Variants in MAPK6 observed in about 807,000 individuals in gnomAD.
MAPK6 encodes ERK-3.
A neutral mutation model predicts 59.3 loss-of-function variants in MAPK6; 19 were observed. The ratio of observed to expected loss-of-function variants is 0.32; its 90% confidence interval spans 0.22 to 0.47. The LOEUF (loss-of-function observed/expected upper bound fraction) is 0.47. Ranked by LOEUF, MAPK6 falls within the 20% of genes least tolerant of loss-of-function variation. The pLI, the probability that MAPK6 is intolerant of heterozygous loss-of-function variation, is 1.00. For synonymous variants in MAPK6, 316 were observed against 290.3 expected, an observed-to-expected ratio of 1.09 and a Z score of -0.90; for missense variants, 724 against 847.9, an observed-to-expected ratio of 0.85 and a Z score of 1.81.
intron 1 of MAPK6, chr15:52,021,693 A>C (rs901040692): frequency 1.3e-5 from 2 of 152,144 alleles, no homozygotes; most frequent in South Asian, 2.1e-4. Context: ...TGTCGGTAGA[A>C]ATTGACCTTA....
upstream of MAPK6, chr15:52,017,487 T>C (rs2030307074): frequency 1.3e-5 from 2 of 152,338 alleles, no homozygotes; most frequent in Admixed American, 6.5e-5. Flanking sequence ...CAGTTAAGGC[T>C]ATTTTCATTT....
In MAPK6 at chr15:52,065,219, C is replaced by G. The variant is rs1482552015; in HGVS notation, c.*219C>G. 4.5e-6 allele frequency: 2 copies of G among 446,208 alleles called. No homozygotes were observed. Among genetic ancestry groups the G allele is most frequent in the Admixed American group, 3.9e-5 (1 of 25,508 alleles). The allele number at this position is 446,208 out of a possible 1,614,324, so 27.6% of individuals were successfully genotyped here. ...TTGCACACAAAAATAAAGACTAGAG[C>G]AAAATAATGCAACGCAGGAGGAGAA... On this transcript the variant is annotated 3_prime_UTR_variant, in exon 6 of 6. Coordinates refer to ENST00000261845, the MANE Select transcript of MAPK6 (RefSeq NM_002748.4).
intron 5 of MAPK6, among the ~76,000 whole-genome samples, chr15:52,062,731 C>T (rs2032252538): frequency 2.6e-5 from 4 of 152,164 alleles, no homozygotes; most frequent in African/African-American, 7.2e-5. Flanking sequence ...CACCACTGCA[C>T]TCCAGCCTGG....
chr15:52,030,822 C>CA (rs941211731), intron 1 of MAPK6, among the ~76,000 whole-genome samples: 4 of 147,040 alleles, frequency 2.7e-5, no homozygotes, highest in African/African-American at 1.0e-4. Context: ...GACAGGCTCT[C>CA]AGTCTGTTAC....
chr15:51,971,906 G>C, exon 1 of MAPK6: 1 of 692,804 alleles, frequency 1.4e-6, no homozygotes, highest in South Asian at 1.6e-5. Flanking sequence ...TTCTCGCCTG[G>C]GTATGCATGG....
In MAPK6 at chr15:52,046,231, C is replaced by G; in HGVS notation, c.-230C>G. 2.3e-6 allele frequency: 1 copy of G among 436,988 alleles called. No individual in the cohort carries two copies. The highest frequency in any genetic ancestry group is 4.1e-5 in the Admixed American group (1 of 24,330). The allele number at this position is 436,988 out of a possible 1,614,324, so 27.1% of individuals were successfully genotyped here. ...CTGCCCCTTTCTTGAACTATGAGTA[C>G]TGCAATCTTTTTAATTCTCAATATG... On this transcript the variant is annotated 5_prime_UTR_variant, in exon 2 of 6. Transcript: ENST00000261845.
chr15:52,001,301 T>A (rs2057241265), intron 2 of MAPK6, among the ~76,000 whole-genome samples: 1 of 152,110 alleles, frequency 6.6e-6, no homozygotes, highest in South Asian at 2.1e-4. Context: ...TTTCTGTTCT[T>A]TATAAATTAC....
chr15:51,984,447 ATTTTTTTT>A (rs71130112), intron 2 of MAPK6, among the ~76,000 whole-genome samples: 9 of 69,984 alleles, frequency 1.3e-4, no homozygotes, highest in East Asian at 6.4e-4. Flanking sequence ...ACGCCGGCTA[ATTTTTTTT>A]TTTTTTTTTT....
intron 1 of MAPK6, among the ~76,000 whole-genome samples, chr15:52,032,381 G>A (rs1406827065): frequency 1.3e-5 from 2 of 149,464 alleles, no homozygotes; most frequent in African/African-American, 4.9e-5. Context: ...ATAGAGATGG[G>A]GTTTCTCCAT....
At chr15:51,978,525 A>G (rs1435264520) in intron 1 of MAPK6, among the ~76,000 whole-genome samples, 2 of 151,866 alleles carry the variant, frequency 1.3e-5, no homozygotes, top group African/African-American at 2.4e-5. Flanking sequence ...TCTATAGTAA[A>G]ATGTATGAAA....
At chr15:52,002,594 G>T (rs1263925331) in intron 2 of MAPK6, among the ~76,000 whole-genome samples, 4 of 152,182 alleles carry the variant, frequency 2.6e-5, no homozygotes, top group African/African-American at 9.7e-5. Flanking sequence ...GATGCAGGCT[G>T]ATAGCCTCAG....
intron 5 of MAPK6, among the ~76,000 whole-genome samples, chr15:52,062,327 A>C (rs2141130405): frequency 6.6e-6 from 1 of 152,162 alleles, no homozygotes. Flanking sequence ...GTACTCAGCC[A>C]GTATTTGAAT....
At chr15:52,043,422 C>T (rs138926104) in intron 1 of MAPK6, among the ~76,000 whole-genome samples, 5,704 of 151,786 alleles carry the variant, frequency 0.038, 245 homozygotes, top group African/African-American at 0.092. Context: ...CTCAGCCTCC[C>T]GAGTAGCTGG....
chr15:51,984,774 A>G (rs1227022277), intron 2 of MAPK6, among the ~76,000 whole-genome samples: 2 of 119,198 alleles, frequency 1.7e-5, no homozygotes, highest in Admixed American at 8.5e-5. Context: ...CTGTCAATGT[A>G]TAGTTATTGT....
rs1452908889 is a variant in MAPK6, at chr15:52,064,106, T to G, written c.1272T>G (p.Cys424Trp). 2 of 1,611,976 alleles carry G rather than the reference T, an allele frequency of 1.2e-6. No individual in the cohort carries two copies. The highest frequency in any genetic ancestry group is 1.7e-6 in the Non-Finnish European group (2 of 1,178,668). ...AFDTNYSTEP[C>W]WQYSDHHENK... is the part of the protein sequence containing the mutation. ...ATACCAATTACTCTACTGAGCCTTGTTGGCAATACTCAGATCATCATGAAA... is the reference window on the plus strand; with the variant it reads ...ATACCAATTACTCTACTGAGCCTTGGTGGCAATACTCAGATCATCATGAAA... The change falls in exon 6 of 6, where the codon TGT becomes TGG. Residue 424 changes from cysteine (C) to tryptophan (W), a missense_variant. Around this residue, in one of 4 missense-constraint regions of MAPK6, gnomAD observed 502 missense variants for 507.6 expected, o/e 0.99. Transcript: ENST00000261845.
chr15:52,004,449 G>A (rs1248931353), intron 3 of MAPK6: 1 of 152,148 alleles, frequency 6.6e-6, no homozygotes, highest in Non-Finnish European at 1.5e-5. Context: ...TATCTGAGGG[G>A]TTATATAGTT....
In MAPK6 at chr15:52,066,792, G is replaced by GTGTGTGTGTA. The variant is rs1043704165; in HGVS notation, c.*1793_*1794insGTGTGTGTAT. On this transcript the variant is annotated 3_prime_UTR_variant, in exon 6 of 6. Coordinates refer to ENST00000261845, the MANE Select transcript of MAPK6 (RefSeq NM_002748.4). ...TGTGTGTGTGTGTGTGTGTGTGTGT[G>GTGTGTGTGTA]TATATATATTCATTTATTTATTTTC... 2 of 144,168 alleles carry GTGTGTGTGTA rather than the reference G, an allele frequency of 1.4e-5. No homozygotes were observed. The highest frequency in any genetic ancestry group is 3.0e-5 in the Non-Finnish European group (2 of 65,928). The allele number at this position is 144,168 out of a possible 1,614,324, so 8.9% of individuals were successfully genotyped here. A position where few individuals can be genotyped will look rare whatever the true frequency, so the allele number is the denominator to read the frequency against.
chr15:51,978,821 A>T (rs1039533931), intron 1 of MAPK6, among the ~76,000 whole-genome samples: 3 of 151,792 alleles, frequency 2.0e-5, no homozygotes, highest in Admixed American at 1.3e-4. Context: ...CCCATTTTAC[A>T]TGTCAAGAAT....
At chr15:52,026,142 T>A (rs2030765267) in intron 1 of MAPK6, among the ~76,000 whole-genome samples, 1 of 152,244 alleles carries the variant, frequency 6.6e-6, no homozygotes, top group Admixed American at 6.5e-5. Context: ...TTAGTTATCC[T>A]GTGGAAAGCA....
Sources: allele counts gnomAD v4.1 joint callset (sites outside exome capture counted in the v4.1 genomes callset), GRCh38; gene constraint gnomAD v4.1.1; regional missense constraint gnomAD v4.1.1; transcripts MANE v1.5; gene names NCBI Gene and HGNC (gene_info 2026-07-23, HGNC 2026-07-21).